Variants in KLRK1 observed in about 807,000 individuals in gnomAD.
KLRK1 encodes the protein NKG2-D type II integral membrane protein.
In KLRK1, 40 loss-of-function variants were observed where a neutral mutation model predicts 31.3. That is an observed-to-expected ratio of 1.28 (90% CI 0.99 to 1.67). The LOEUF is 1.67. Ranked by LOEUF, KLRK1 falls within the 40% of genes most tolerant of loss-of-function variation. The probability of loss-of-function intolerance (pLI) is 0.00; values close to 1 mark genes in which losing one functional copy is unlikely to be tolerated. For missense variants in KLRK1, 251 were observed against 260.0 expected, an observed-to-expected ratio of 0.97 and a Z score of 0.24; for synonymous variants, 77 against 77.3, an observed-to-expected ratio of 1.00 and a Z score of 0.02.
At chr12:10,383,363 T>A (rs989408997) in intron 3 of KLRK1, among the ~76,000 whole-genome samples, 2 of 151,940 alleles carry the variant, frequency 1.3e-5, no homozygotes, top group Admixed American at 6.6e-5. Flanking sequence ...TATACTTAGA[T>A]AAAATAGACT....
Position 10,378,591 on chromosome 12 carries a change from T to A in KLRK1, c.392A>T (p.Asn131Ile). ...YESQASCMSQNASLLKVYSKE... is the reference protein window; with the variant it reads ...YESQASCMSQIASLLKVYSKE... Reference sequence around the variant, plus strand: ...GCTGTATACTTTCAGAAGGCTGGCATTTTGAGACATACAAGAAGCCTGGCT... The same window carrying A: ...GCTGTATACTTTCAGAAGGCTGGCAATTTGAGACATACAAGAAGCCTGGCT... Residue 131 changes from asparagine to isoleucine, a missense_variant, in exon 6 of 8, where the codon AAT becomes ATT. Asn to Ile is a moderately radical substitution (Grantham distance 149). Transcript: ENST00000240618. The A allele has an allele frequency of 6.2e-7, 1 of 1,612,000 alleles. No individual in the cohort carries two copies. The highest frequency in any genetic ancestry group is 8.5e-7 in the Non-Finnish European group (1 of 1,179,570).
chr12:10,382,343 C>A (rs949653277), intron 3 of KLRK1, among the ~76,000 whole-genome samples: 3 of 152,162 alleles, frequency 2.0e-5, no homozygotes, highest in Admixed American at 2.0e-4. Context: ...TTAAAGGAAG[C>A]AAAATTTAAA....
intron 7 of KLRK1, among the ~76,000 whole-genome samples, chr12:10,377,665 GC>G (rs1265621043): frequency 6.6e-6 from 1 of 152,142 alleles, no homozygotes; most frequent in East Asian, 1.9e-4. Flanking sequence ...AAAGGTGCAT[GC>G]TTAGAGAATG....
rs192816482 is a variant in KLRK1, at chr12:10,380,184, C to G, written c.149-392G>C. ...GGGTTCACGCCATTCTCCTGCCTCA[C>G]CCTCCCGAGTAGCTGGGACTACAGG... On this transcript the variant is annotated intron_variant, in intron 3 of 7. Coordinates refer to ENST00000240618, the MANE Select transcript of KLRK1 (RefSeq NM_007360.4). 7.4e-3 allele frequency among the ~76,000 whole-genome samples: 1,122 copies of G among 151,104 alleles called. 11 individuals are homozygous for G. Among genetic ancestry groups the G allele is most frequent in the Admixed American group, 0.013 (198 of 15,178 alleles).
intron 3 of KLRK1, among the ~76,000 whole-genome samples, chr12:10,383,522 G>A (rs1223059718): frequency 2.0e-5 from 3 of 152,028 alleles, no homozygotes; most frequent in Non-Finnish European, 4.4e-5. Flanking sequence ...TAATAGATCT[G>A]AAGGGAGAAA....
At chr12:10,378,259 A>C in intron 6 of KLRK1, 24 bp from the exon 7 acceptor site, 2 of 1,603,722 alleles carry the variant, frequency 1.2e-6, no homozygotes, top group Non-Finnish European at 1.7e-6. Context: ...CAAATAAACT[A>C]TAAGTAAAAT....
At chr12:10,382,499 A>G (rs1863094352) in intron 3 of KLRK1, among the ~76,000 whole-genome samples, 1 of 152,216 alleles carries the variant, frequency 6.6e-6, no homozygotes, top group Non-Finnish European at 1.5e-5. Context: ...CAGCAAAACT[A>G]TCGACATGAT....
In KLRK1 at chr12:10,387,010, T is replaced by G; in HGVS notation, c.41A>C (p.Glu14Ala). The G allele has an allele frequency of 6.2e-7, 1 of 1,607,554 alleles. No homozygotes were observed. Among genetic ancestry groups the G allele is most frequent in the Non-Finnish European group, 8.5e-7 (1 of 1,176,904 alleles). Residue 14 changes from glutamate to alanine, a missense_variant and splice_region_variant, in exon 3 of 8, where the codon GAG (glutamate) becomes GCG (alanine). By Grantham distance (107) the Glu-to-Ala change is moderately radical (BLOSUM62 -1). Coordinates refer to ENST00000240618, the MANE Select transcript of KLRK1 (RefSeq NM_007360.4). ...GTTATAATTATGAAATTCACTCATC[T>G]CTAGAGAAAAAGAATTCAGGCTTAT... ...IRGRRSRHSW[E>A]MSEFHNYNLD...
Position 10,379,497 on chromosome 12 carries a change from A to ATAAG in KLRK1, c.242-19_242-16dup. The stretch of plus-strand genomic sequence containing the variant: ...GTTGAATAATGCTATTAAAATAACC[A>ATAAG]TAAGTATTAAAAGTTTGTATTGTTA... On this transcript the variant is annotated splice_polypyrimidine_tract_variant and intron_variant, in intron 4 of 7. Coordinates refer to ENST00000240618, the MANE Select transcript of KLRK1 (RefSeq NM_007360.4). 6.8e-7 allele frequency: 1 copy of ATAAG among 1,464,698 alleles called. No individual in the cohort carries two copies. The highest frequency in any genetic ancestry group is 9.3e-7 in the Non-Finnish European group (1 of 1,071,438). The allele number at this position is 1,464,698 out of a possible 1,614,324, so 90.7% of individuals were successfully genotyped here.
chr12:10,386,704 G>T (rs1388891871), intron 3 of KLRK1, among the ~76,000 whole-genome samples, 199 bp downstream of exon 3: 1 of 151,376 alleles, frequency 6.6e-6, no homozygotes, highest in Non-Finnish European at 1.5e-5. Flanking sequence ...TCATTTTTTA[G>T]GGCGTGACAA....
At chr12:10,381,553 A>ATGAT (rs765320859) in intron 3 of KLRK1, among the ~76,000 whole-genome samples, 27 of 152,282 alleles carry the variant, frequency 1.8e-4, no homozygotes, top group Non-Finnish European at 3.2e-4. Context: ...AAGATAAATA[A>ATGAT]TGATAGAGGA....
At chr12:10,382,457 G>A (rs1863093354) in intron 3 of KLRK1, among the ~76,000 whole-genome samples, 1 of 152,034 alleles carries the variant, frequency 6.6e-6, no homozygotes, top group South Asian at 2.1e-4. Context: ...AAAGACCCAA[G>A]GAAAACAAAA....
In KLRK1 at chr12:10,375,044, T is replaced by TAA. The variant is rs11415103; in HGVS notation, c.534-1815_534-1814dup. 2.8e-4 allele frequency among the ~76,000 whole-genome samples: 42 copies of TAA among 151,916 alleles called. No individual in the cohort carries two copies. The South Asian group carries it at 4.2e-3, about 15-fold the overall frequency. ...TTTAGAGAATCAATGTTTTTTCTGT[T>TAA]AAAAAAACTCTCAAGCCATACATAA... On this transcript the variant is annotated intron_variant, in intron 7 of 7. Transcript: ENST00000240618.
chr12:10,382,298 T>C, intron 3 of KLRK1: 1 of 152,154 alleles, frequency 6.6e-6, no homozygotes, highest in Non-Finnish European at 1.5e-5. Context: ...ACATATAAAA[T>C]TTAAATGTTC....
chr12:10,379,697 T>TA lies in KLRK1; in HGVS notation c.241+2dup. 2.5e-6 allele frequency: 4 copies of TA among 1,599,310 alleles called. No individual in the cohort carries two copies. The highest frequency in any genetic ancestry group is 3.4e-6 in the Non-Finnish European group (4 of 1,174,238). ...TGCAATCTACTTCTCTGTTGTCACT[T>TA]ACAGTTTAGGAATACAGCACTCCAT... On this transcript the variant is annotated splice_region_variant and intron_variant, in intron 4 of 7. Transcript: ENST00000240618.
chr12:10,377,459 C>T (rs1862987797), intron 7 of KLRK1, among the ~76,000 whole-genome samples: 1 of 152,198 alleles, frequency 6.6e-6, no homozygotes, highest in African/African-American at 2.4e-5. Context: ...AGGAAATTAA[C>T]TCTTTACTCA....
intron 3 of KLRK1, among the ~76,000 whole-genome samples, chr12:10,384,273 A>C (rs1688981018): frequency 6.6e-6 from 1 of 152,080 alleles, no homozygotes; most frequent in Non-Finnish European, 1.5e-5. Context: ...ATATGGTACC[A>C]CAAAAGACTG....
intron 3 of KLRK1, among the ~76,000 whole-genome samples, chr12:10,380,344 C>T (rs1009156958): frequency 1.3e-5 from 2 of 152,046 alleles, no homozygotes; most frequent in Non-Finnish European, 2.9e-5. Flanking sequence ...GGATTACAGG[C>T]GTGAGCCACC....
At chr12:10,373,600 C>T (rs73256246) in intron 7 of KLRK1, among the ~76,000 whole-genome samples, 13,127 of 152,036 alleles carry the variant, frequency 0.086, 1,863 homozygotes, top group African/African-American at 0.3. Flanking sequence ...AAAAATAAAA[C>T]ATTTTCTTCA....
Sources: gnomAD v4.1 joint callset for allele counts (sites outside exome capture counted in the v4.1 genomes callset) on GRCh38, gnomAD v4.1.1 for gene constraint, MANE v1.5 for transcripts, NCBI Gene and HGNC (gene_info 2026-07-23, HGNC 2026-07-21) for gene names.